Variants in MIPOL1 observed in about 807,000 individuals in gnomAD.
The protein encoded by MIPOL1 is mirror-image polydactyly gene 1 protein.
Under a neutral mutation model 60.9 loss-of-function variants are expected in MIPOL1, and 57 were observed. The ratio of observed to expected loss-of-function variants is 0.94; its 90% CI spans 0.76 to 1.17. The LOEUF (loss-of-function observed/expected upper bound fraction) is 1.17. Ranked by LOEUF, MIPOL1 falls within the 50% of genes most tolerant of loss-of-function variation. The pLI is 0.00. For missense variants in MIPOL1, 551 were observed against 511.6 expected, an observed-to-expected ratio of 1.08 and a Z score of -0.74; for synonymous variants, 179 against 168.8, an observed-to-expected ratio of 1.06 and a Z score of -0.47.
chr14:37,509,620 CATT>C (rs960869822), intron 12 of MIPOL1, among the ~76,000 whole-genome samples: 4 of 151,244 alleles, frequency 2.6e-5, no homozygotes, highest in African/African-American at 9.7e-5. Context: ...TATACATACA[CATT>C]ATAGTTTATA....
chr14:37,468,607 G>C (rs1156760399), intron 11 of MIPOL1, among the ~76,000 whole-genome samples: 1 of 152,126 alleles, frequency 6.6e-6, no homozygotes, highest in African/African-American at 2.4e-5. Flanking sequence ...AGAACAACAT[G>C]AAACAGGTTT....
At chr14:37,378,509 T>C (rs866522949) in intron 10 of MIPOL1, among the ~76,000 whole-genome samples, 1 of 152,040 alleles carries the variant, frequency 6.6e-6, no homozygotes, top group Non-Finnish European at 1.5e-5. Context: ...GGAGTTAGGT[T>C]TGGGAACAGG....
At chr14:37,527,975 AAAG>A (rs2153634795) in intron 12 of MIPOL1, among the ~76,000 whole-genome samples, 1 of 152,210 alleles carries the variant, frequency 6.6e-6, no homozygotes, top group Admixed American at 6.5e-5. Context: ...GATGAAAAAA[AAAG>A]ATTGCATTTT....
At chr14:37,339,599 G>A (rs2153461200) in intron 9 of MIPOL1, among the ~76,000 whole-genome samples, 1 of 152,084 alleles carries the variant, frequency 6.6e-6, no homozygotes, top group East Asian at 1.9e-4. Context: ...TGTGGTATAT[G>A]CATAAAATGG....
rs1230320757 is a variant in MIPOL1, at chr14:37,550,333, T to G, written c.*3362T>G. 4.0e-5 allele frequency: 6 copies of G among 151,550 alleles called. No homozygotes were observed. In the East Asian group the frequency reaches 1.2e-3, roughly 29 times the overall value. 9.4% of individuals were successfully genotyped at this position (151,550 alleles called of 1,614,324 possible). A position where few individuals can be genotyped will look rare whatever the true frequency, so the allele number is the denominator to read the frequency against. On this transcript the variant is annotated 3_prime_UTR_variant, in exon 13 of 13. Transcript: ENST00000684589. ...TCACAATTATTTTTAAACTTTCTAT[T>G]TTCAAATACTTGTGATTAATAAGGC...
intron 1 of MIPOL1, chr14:37,240,575 A>G (rs1304402921): frequency 6.6e-6 from 1 of 152,184 alleles, no homozygotes; most frequent in African/African-American, 2.4e-5. Context: ...ATTCTGTAAG[A>G]TGACTTTGTT....
At chr14:37,264,552 C>G (rs371538734) in intron 3 of MIPOL1, among the ~76,000 whole-genome samples, 2 of 151,576 alleles carry the variant, frequency 1.3e-5, no homozygotes, top group African/African-American at 2.4e-5. Context: ...TGCTTAAGCC[C>G]GGGAGGTCAA....
intron 11 of MIPOL1, among the ~76,000 whole-genome samples, chr14:37,487,937 T>C (rs1405890192): frequency 6.6e-6 from 1 of 152,208 alleles, no homozygotes; most frequent in Non-Finnish European, 1.5e-5. Flanking sequence ...GGTGTGAATT[T>C]TAGATCTTTC....
intron 7 of MIPOL1, among the ~76,000 whole-genome samples, chr14:37,289,922 C>T (rs2084912743): frequency 6.6e-6 from 1 of 152,038 alleles, no homozygotes; most frequent in Non-Finnish European, 1.5e-5. Flanking sequence ...TTGGAGATTC[C>T]CTGTAGGTGA....
intron 11 of MIPOL1, among the ~76,000 whole-genome samples, chr14:37,464,315 C>T (rs1006640716): frequency 1.3e-5 from 2 of 152,028 alleles, no homozygotes; most frequent in Non-Finnish European, 2.9e-5. Flanking sequence ...CTAGTAGAGC[C>T]GTGGACTGAA....
intron 11 of MIPOL1, among the ~76,000 whole-genome samples, chr14:37,472,672 T>A (rs1160103138): frequency 6.6e-6 from 1 of 151,346 alleles, no homozygotes; most frequent in Non-Finnish European, 1.5e-5. Context: ...GAACATCTTA[T>A]TTTTTTTTGT....
At chr14:37,245,725 A>G (rs986773457) in intron 1 of MIPOL1, among the ~76,000 whole-genome samples, 3 of 152,102 alleles carry the variant, frequency 2.0e-5, no homozygotes, top group African/African-American at 7.2e-5. Context: ...TAATTGCAAT[A>G]TTTTATCAGA....
At chr14:37,215,626 T>G (rs1484922508) in intron 1 of MIPOL1, among the ~76,000 whole-genome samples, 2 of 152,116 alleles carry the variant, frequency 1.3e-5, no homozygotes, top group Non-Finnish European at 2.9e-5. Flanking sequence ...GTGGAGTAAG[T>G]TTTTACTCAT....
At chr14:37,438,043 G>A (rs769110228) in intron 11 of MIPOL1, among the ~76,000 whole-genome samples, 3 of 151,848 alleles carry the variant, frequency 2.0e-5, no homozygotes, top group Admixed American at 6.6e-5. Flanking sequence ...TTCTTGTGAG[G>A]CATTTAAAAA....
intron 1 of MIPOL1, among the ~76,000 whole-genome samples, chr14:37,237,856 A>G (rs1174745483): frequency 6.6e-6 from 1 of 152,282 alleles, no homozygotes; most frequent in Non-Finnish European, 1.5e-5. Flanking sequence ...TTTGGTCTCC[A>G]TATTCTCGTG....
chr14:37,266,894 A>T (rs749334892), intron 3 of MIPOL1, 44 bp from the exon 4 acceptor site: 1 of 1,260,152 alleles, frequency 7.9e-7, no homozygotes, highest in South Asian at 1.2e-5. Context: ...ATATGCAGTT[A>T]TGGTGTTTAA....
chr14:37,259,730 A>G (rs1456020129), intron 3 of MIPOL1, among the ~76,000 whole-genome samples: 2 of 152,136 alleles, frequency 1.3e-5, no homozygotes, highest in East Asian at 3.9e-4. Flanking sequence ...GCAATTTTTT[A>G]ATACTACATG....
intron 11 of MIPOL1, among the ~76,000 whole-genome samples, chr14:37,485,768 C>T (rs1338732705): frequency 6.6e-6 from 1 of 152,002 alleles, no homozygotes; most frequent in Non-Finnish European, 1.5e-5. Flanking sequence ...AAATTTTCTC[C>T]CATTCTGTAG....
intron 10 of MIPOL1, among the ~76,000 whole-genome samples, chr14:37,407,816 T>C (rs2093613249): frequency 6.7e-6 from 1 of 150,330 alleles, no homozygotes. Context: ...CAGTATGCTT[T>C]ATTTTTTCTT....
Sources: gnomAD v4.1 joint callset for allele counts (sites outside exome capture counted in the v4.1 genomes callset) on GRCh38, gnomAD v4.1.1 for gene constraint, MANE v1.5 for transcripts, NCBI Gene and HGNC (gene_info 2026-07-23, HGNC 2026-07-21) for gene names.